The following FRMPD3 variants were observed in gnomAD, a reference collection of about 807,000 sequenced individuals.
FRMPD3 encodes the protein FERM and PDZ domain containing 3.
FRMPD3 carries 42 observed loss-of-function variants against 97.9 expected under a neutral mutation model. The observed-to-expected ratio is 0.43, with a 90% confidence interval of 0.34 to 0.55. FRMPD3 has a LOEUF of 0.55. Among genes scored for constraint, FRMPD3 ranks in the 20% least tolerant of loss-of-function variants. FRMPD3 has a pLI of 0.03. For synonymous variants in FRMPD3, 577 were observed against 581.1 expected (o/e 0.99, Z 0.10); for missense variants, 1,303 against 1,457.7 (o/e 0.89, Z 1.73).
chrX:107,597,537 T>G lies in FRMPD3; in HGVS notation c.1658T>G (p.Phe553Cys). 1 of 1,210,473 alleles carries G rather than the reference T, an allele frequency of 8.3e-7. No homozygotes were observed. Among genetic ancestry groups the G allele is most frequent in the African/African-American group, 1.7e-5 (1 of 57,707 alleles). The part of the protein sequence containing the change: ...RTDVNENLIF[F>C]EETRPRTKSD... ...GATGTCAACGAGAACCTAATCTTCT[T>G]TGAGGAGACCAGGCCCCGAACCAAG... The change falls in exon 14 of 15, where the codon TTT (phenylalanine) becomes TGT (cysteine). Residue 553 changes from phenylalanine (F) to cysteine (C), a missense_variant. Transcript: ENST00000683843.
chrX:107,473,087 G>A (rs1436171397), intron 1 of FRMPD3, among the ~76,000 whole-genome samples: 3 of 112,312 alleles, frequency 2.7e-5, no homozygotes, highest in East Asian at 2.8e-4. Flanking sequence ...AACTTTACAT[G>A]AGTAAGGCAC....
chrX:107,539,384 T>C (rs1200590260), intron 4 of FRMPD3, among the ~76,000 whole-genome samples: 1 of 112,463 alleles, frequency 8.9e-6, no homozygotes, highest in Non-Finnish European at 1.9e-5. Flanking sequence ...TGGATATTTA[T>C]TAATCTTGAA....
intron 1 of FRMPD3, among the ~76,000 whole-genome samples, chrX:107,477,634 T>A (rs1191244378): frequency 8.9e-6 from 1 of 112,282 alleles, no homozygotes; most frequent in Non-Finnish European, 1.9e-5. Context: ...CGAGATTGAT[T>A]AGCTAATACC....
chrX:107,598,232 CAG>C, intron 14 of FRMPD3, 90 bp downstream of exon 14: 1 of 790,290 alleles, frequency 1.3e-6, no homozygotes, highest in East Asian at 3.3e-5. Flanking sequence ...AAATAGGTGT[CAG>C]AGTCACTGAG....
intron 4 of FRMPD3, among the ~76,000 whole-genome samples, chrX:107,534,771 C>T (rs750354322): frequency 1.3e-4 from 14 of 111,575 alleles, no homozygotes; most frequent in Non-Finnish European, 2.5e-4. Flanking sequence ...TCACACATAT[C>T]CTCACACGTA....
intron 1 of FRMPD3, chrX:107,522,486 G>A (rs375249083): frequency 1.8e-6 from 1 of 547,000 alleles, no homozygotes; most frequent in African/African-American, 2.3e-5. Context: ...CCAGGACCGT[G>A]AGTGGGAGCA....
At chrX:107,566,432 G>A (rs1267220105) in intron 12 of FRMPD3, among the ~76,000 whole-genome samples, 1 of 112,672 alleles carries the variant, frequency 8.9e-6, no homozygotes. Flanking sequence ...TTGGCTTGCG[G>A]CTACCTCCTC....
chrX:107,499,901 T>G (rs770689875), intron 1 of FRMPD3, among the ~76,000 whole-genome samples: 1 of 111,395 alleles, frequency 9.0e-6, no homozygotes, highest in South Asian at 3.8e-4. Context: ...AGCCAGAGAC[T>G]GTCTATAACC....
intron 1 of FRMPD3, among the ~76,000 whole-genome samples, chrX:107,480,266 G>A (rs1349266397): frequency 9.0e-6 from 1 of 111,353 alleles, no homozygotes; most frequent in Admixed American, 9.5e-5. Context: ...ATGGAGAGGA[G>A]GCAATAGATG....
intron 13 of FRMPD3, among the ~76,000 whole-genome samples, chrX:107,591,466 T>C (rs1384951008): frequency 8.9e-6 from 1 of 112,481 alleles, no homozygotes; most frequent in African/African-American, 3.2e-5. Context: ...CTAAGTTGTA[T>C]ATTTCTAAGA....
intron 1 of FRMPD3, among the ~76,000 whole-genome samples, chrX:107,480,895 G>GGAAA (rs59050601): frequency 0.019 from 1,169 of 60,545 alleles, 27 homozygotes; most frequent in Non-Finnish European, 0.025. Context: ...AAGGAAGGAA[G>GGAAA]GAAAGAAAGA....
In FRMPD3 at chrX:107,597,334, C is replaced by G. The variant is rs186977626; in HGVS notation, c.1455C>G (p.Ser485Arg). ...PPMIKADYMH[S>R]AHRPVTGGHL... ...TTCTGGGTTTAGATTACATGCACAG[C>G]GCCCACCGCCCTGTCACTGGGGGCC... The change falls in exon 14 of 15, where the codon AGC becomes AGG. Residue 485 changes from serine (S) to arginine (R), a missense_variant. Ser to Arg is a moderately radical substitution (Grantham distance 110, BLOSUM62 -1). Coordinates refer to ENST00000683843, the MANE Select transcript of FRMPD3 (RefSeq NM_001388459.1). 4.2e-6 allele frequency: 5 copies of G among 1,198,597 alleles called. No homozygotes were observed. Among genetic ancestry groups the G allele is most frequent in the Admixed American group, 2.2e-5 (1 of 44,781 alleles).
At chrX:107,537,795 T>A (rs1921066020) in intron 4 of FRMPD3, among the ~76,000 whole-genome samples, 1 of 111,597 alleles carries the variant, frequency 9.0e-6, no homozygotes, top group Non-Finnish European at 1.9e-5. Context: ...ATTTGCAGAT[T>A]CCCTATTTGC....
intron 1 of FRMPD3, among the ~76,000 whole-genome samples, chrX:107,459,227 G>A (rs983999173): frequency 8.9e-6 from 1 of 112,571 alleles, no homozygotes; most frequent in Non-Finnish European, 1.9e-5. Context: ...GGAGGCAGGC[G>A]ATGCCTGTGT....
intron 1 of FRMPD3, among the ~76,000 whole-genome samples, chrX:107,517,153 T>G (rs888591143): frequency 1.8e-5 from 2 of 112,248 alleles, no homozygotes; most frequent in Non-Finnish European, 3.8e-5. Context: ...CCATTTCTTG[T>G]TTTTATCAGA....
chrX:107,453,897 A>G (rs1038808193), intron 1 of FRMPD3, among the ~76,000 whole-genome samples: 1 of 112,125 alleles, frequency 8.9e-6, no homozygotes, highest in Non-Finnish European at 1.9e-5. Context: ...AAATGGGAAT[A>G]TGTGTATAAC....
At chrX:107,486,188 G>A (rs1233915442) in intron 1 of FRMPD3, among the ~76,000 whole-genome samples, 1 of 112,366 alleles carries the variant, frequency 8.9e-6, no homozygotes, top group Admixed American at 9.4e-5. Flanking sequence ...CCTGGGACAC[G>A]CCTGACCCTT....
intron 13 of FRMPD3, among the ~76,000 whole-genome samples, chrX:107,588,705 C>G (rs1337516388): frequency 8.9e-6 from 1 of 111,756 alleles, no homozygotes; most frequent in Non-Finnish European, 1.9e-5. Context: ...TGTCTCCTTG[C>G]AGTACTCCAA....
At chrX:107,460,506 T>G (rs1181132350) in intron 1 of FRMPD3, among the ~76,000 whole-genome samples, 1 of 109,409 alleles carries the variant, frequency 9.1e-6, no homozygotes, top group Non-Finnish European at 1.9e-5. Context: ...TCCTCCCACC[T>G]CAGCCTCCCA....
Sources: gnomAD v4.1 joint callset for allele counts (sites outside exome capture counted in the v4.1 genomes callset) on GRCh38, gnomAD v4.1.1 for gene constraint, MANE v1.5 for transcripts, NCBI Gene and HGNC (gene_info 2026-07-23, HGNC 2026-07-21) for gene names.